Variants in PNN observed in about 807,000 individuals in gnomAD.
The protein encoded by PNN is pinin, desmosome associated protein, also known as pinin.
In PNN, 38 loss-of-function variants were observed where a neutral mutation model predicts 76.6. The observed-to-expected ratio is 0.50, with a 90% CI of 0.38 to 0.65. PNN has a LOEUF of 0.65. Ranked by LOEUF, PNN falls within the 30% of genes least tolerant of loss-of-function variation. PNN has a pLI of 0.00. For synonymous variants in PNN, 366 were observed against 283.7 expected (o/e 1.29, Z -2.91); for missense variants, 873 against 874.1 (o/e 1.00, Z 0.02).
chr14:39,182,041 AAG>A lies in PNN; in HGVS notation c.*181_*182del, dbSNP rs1277512225. On this transcript the variant is annotated 3_prime_UTR_variant, in exon 9 of 9. Coordinates refer to ENST00000216832, the MANE Select transcript of PNN (RefSeq NM_002687.4). ...TCTTGTACTTTTTGCATAATTTTGT[AAG>A]AGTTATTTATCAAAATTATGTGAGG... 5.5e-6 allele frequency: 3 copies of A among 544,400 alleles called. No individual in the cohort carries two copies. Among genetic ancestry groups the A allele is most frequent in the African/African-American group, 3.8e-5 (2 of 52,084 alleles). 33.7% of individuals were successfully genotyped at this position (544,400 alleles called of 1,614,324 possible).
rs1490439611 is a variant in PNN, at chr14:39,181,722, T to C, written c.2013T>C (p.Ser671=). 1 of 1,614,076 alleles carries C rather than the reference T, an allele frequency of 6.2e-7. No individual in the cohort carries two copies. Among genetic ancestry groups the C allele is most frequent in the Non-Finnish European group, 8.5e-7 (1 of 1,179,994 alleles). Residue 671 remains serine, a synonymous_variant, in exon 9 of 9, where the codon AGT becomes AGC. Coordinates refer to ENST00000216832, the MANE Select transcript of PNN (RefSeq NM_002687.4). ...GTCACAAATCTTCAAAAGGTGGTAG[T>C]AGTAGAGATACAAAAGGATCAAAGG... is the stretch of plus-strand genomic sequence containing the variant. ...ERSHKSSKGG[S]SRDTKGSKDK... is the part of the protein sequence containing the mutation.
In PNN at chr14:39,180,488, A is replaced by G; in HGVS notation, c.794-15A>G. 5 of 1,529,080 alleles carry G rather than the reference A, an allele frequency of 3.3e-6. No individual in the cohort carries two copies. The highest frequency in any genetic ancestry group is 2.6e-6 in the Non-Finnish European group (3 of 1,141,520). 94.7% of individuals were successfully genotyped at this position (1,529,080 alleles called of 1,614,324 possible). A position where few individuals can be genotyped will look rare whatever the true frequency, so the allele number is the denominator to read the frequency against. On this transcript the variant is annotated splice_polypyrimidine_tract_variant and intron_variant, in intron 8 of 8. Transcript: ENST00000216832. The stretch of plus-strand genomic sequence containing the variant: ...TAATCGGTAAATTTTACACATGTAA[A>G]TTTTTATTCTTTAGCTTTATTTGAA...
At position 39,176,594 on chromosome 14, in the gene PNN, A is replaced by G. The variant is rs745352634; in HGVS notation, c.253A>G (p.Arg85Gly). ...GAGAGACCTTGAAGGGGCAGTCAGT[A>G]GGTAGGTTTAAAAAAAGATTCCTGA... is the stretch of plus-strand genomic sequence containing the variant. ...KQRDLEGAVS[R>G]LGGERRTRRE... is the part of the protein sequence containing the mutation. The change falls in exon 3 of 9, where the codon AGG becomes GGG. Residue 85 changes from arginine to glycine, a missense_variant and splice_region_variant. Coordinates refer to ENST00000216832, the MANE Select transcript of PNN (RefSeq NM_002687.4). 1 of 1,591,108 alleles carries G rather than the reference A, an allele frequency of 6.3e-7. No homozygotes were observed. Among genetic ancestry groups the G allele is most frequent in the Admixed American group, 1.8e-5 (1 of 56,050 alleles).
intron 8 of PNN, 51 bp downstream of exon 8, chr14:39,179,513 T>C: frequency 6.9e-7 from 1 of 1,443,222 alleles, no homozygotes; most frequent in South Asian, 1.2e-5. Context: ...TAAGGTAATA[T>C]GTTCATATGC....
Position 39,176,150 on chromosome 14 carries a change from G to A in PNN, c.185+1G>A, listed in dbSNP as rs2053221466. 1.3e-6 allele frequency: 2 copies of A among 1,567,588 alleles called. No individual in the cohort carries two copies. The highest frequency in any genetic ancestry group is 1.4e-5 in the African/African-American group (1 of 73,994). On this transcript the variant is annotated splice_donor_variant, in intron 2 of 8. Transcript: ENST00000216832. LOFTEE classifies it high-confidence loss of function. Reference sequence around the variant, plus strand: ...GAGGACGTGGTAGTTTATTACTGAGGTAAGATTTCCTTTGGACTTTACTCA... The same window carrying A: ...GAGGACGTGGTAGTTTATTACTGAGATAAGATTTCCTTTGGACTTTACTCA...
Position 39,181,141 on chromosome 14 carries a change from C to T in PNN, c.1432C>T (p.Pro478Ser). ...PQPEPVAQPQ[P>S]QSQPQLQLQS... is the part of the protein sequence containing the mutation. ...ACCTGAGCCTGTGGCTCAACCTCAG[C>T]CTCAGTCTCAGCCCCAGCTTCAGCT... is the stretch of plus-strand genomic sequence containing the variant. The change falls in exon 9 of 9, where the codon CCT (proline) becomes TCT (serine). Residue 478 changes from proline to serine, a missense_variant. This residue lies in a region of PNN where 712 missense variants were observed against 693.1 expected (regional missense o/e 1.03). Coordinates refer to ENST00000216832, the MANE Select transcript of PNN (RefSeq NM_002687.4). The T allele has an allele frequency of 6.2e-7, 1 of 1,605,668 alleles. No individual in the cohort carries two copies. Among genetic ancestry groups the T allele is most frequent in the Non-Finnish European group, 8.5e-7 (1 of 1,172,402 alleles).
chr14:39,181,228 T>G lies in PNN; in HGVS notation c.1519T>G (p.Leu507Val). ...TCCCTCTCAGCCTGAGGATTTGTCA[T>G]TAGCTGTTTTACAGCCAACACCCCA... is the stretch of plus-strand genomic sequence containing the variant. Reference protein sequence around the residue: ...QPPSQPEDLSLAVLQPTPQVT... With the variant: ...QPPSQPEDLSVAVLQPTPQVT... Residue 507 changes from leucine (L) to valine (V), a missense_variant, in exon 9 of 9, where the codon TTA (leucine) becomes GTA (valine). Physicochemically the swap from Leu to Val is conservative, Grantham distance 32 (BLOSUM62 1). Transcript: ENST00000216832. 6.2e-7 allele frequency: 1 copy of G among 1,614,012 alleles called. No individual in the cohort carries two copies. The highest frequency in any genetic ancestry group is 8.5e-7 in the Non-Finnish European group (1 of 1,179,902).
chr14:39,178,798 C>T (rs1163944500), intron 6 of PNN, among the ~76,000 whole-genome samples: 2 of 150,652 alleles, frequency 1.3e-5, no homozygotes, highest in African/African-American at 4.9e-5. Context: ...AGTGTAGTGG[C>T]GTGATCTCAG....
intron 1 of PNN, 108 bp from the exon 2 acceptor site, chr14:39,175,970 T>G: frequency 1.5e-6 from 1 of 661,138 alleles, no homozygotes; most frequent in Middle Eastern, 2.5e-4. Flanking sequence ...ACTATCTTTT[T>G]GGAACTTTTG....
At chr14:39,179,044 T>C in intron 6 of PNN, 47 bp from the exon 7 acceptor site, 1 of 1,542,788 alleles carries the variant, frequency 6.5e-7, no homozygotes. Context: ...CCTTTTGTTG[T>C]AACTATTTCA....
chr14:39,179,126 A>G lies in PNN; in HGVS notation c.534A>G (p.Glu178=), dbSNP rs1203423439. ...GCCAGGAAATTGAACAAAAACTTGA[A>G]GTTCAGGCAGAAGAAGAGAGAAAGC... ...KRRQEIEQKL[E]VQAEEERKQV... Residue 178 remains glutamate (E), a synonymous_variant, in exon 7 of 9, where the codon GAA becomes GAG. Coordinates refer to ENST00000216832, the MANE Select transcript of PNN (RefSeq NM_002687.4). 1.2e-6 allele frequency: 2 copies of G among 1,613,202 alleles called. No homozygotes were observed. The highest frequency in any genetic ancestry group is 2.7e-5 in the African/African-American group (2 of 74,854).
Position 39,181,830 on chromosome 14 carries a change from C to T in PNN, c.2121C>T (p.Asp707=). The change falls in exon 9 of 9, where the codon GAC becomes GAT. Residue 707 remains aspartate (D), a synonymous_variant. Transcript: ENST00000216832. ...AAAGATCTTCAAGAAGTGAAAGAGA[C>T]CGAAAATCAGACAGGAAAGACAAAA... is the stretch of plus-strand genomic sequence containing the variant. ...SGKRSSRSER[D]RKSDRKDKRR 2.5e-6 allele frequency: 4 copies of T among 1,600,642 alleles called. No individual in the cohort carries two copies. The highest frequency in any genetic ancestry group is 3.4e-6 in the Non-Finnish European group (4 of 1,176,494).
chr14:39,182,033 A>T lies in PNN; in HGVS notation c.*170A>T. ...CCAGACATTCTTGTACTTTTTGCAT[A>T]ATTTTGTAAGAGTTATTTATCAAAA... On this transcript the variant is annotated 3_prime_UTR_variant, in exon 9 of 9. Transcript: ENST00000216832. 1 of 574,538 alleles carries T rather than the reference A, an allele frequency of 1.7e-6. No individual in the cohort carries two copies. The highest frequency in any genetic ancestry group is 2.8e-6 in the Non-Finnish European group (1 of 354,354). The allele number at this position is 574,538 out of a possible 1,614,324, so 35.6% of individuals were successfully genotyped here.
At chr14:39,176,375 A>T (rs2053224134) in intron 2 of PNN, 152 bp from the exon 3 acceptor site, 1 of 658,126 alleles carries the variant, frequency 1.5e-6, no homozygotes, top group Non-Finnish European at 2.6e-6. Context: ...ATTCTTATAA[A>T]GTAACACTAT....
rs772765511 is a variant in PNN at position 39,179,072 on chromosome 14, C to T, written c.499-19C>T. On this transcript the variant is annotated intron_variant, in intron 6 of 8. Coordinates refer to ENST00000216832, the MANE Select transcript of PNN (RefSeq NM_002687.4). ...CTATTTCAACACGTAAGTATTAAAG[C>T]AGGCTACTTAACTTTTAGCAAAAGC... 3 of 1,603,066 alleles carry T rather than the reference C, an allele frequency of 1.9e-6. No individual in the cohort carries two copies. The highest frequency in any genetic ancestry group is 1.1e-5 in the South Asian group (1 of 89,172).
chr14:39,182,148 A>C lies in PNN; in HGVS notation c.*285A>C, dbSNP rs1211202260. 2 of 246,200 alleles carry C rather than the reference A, an allele frequency of 8.1e-6. No individual in the cohort carries two copies. The highest frequency in any genetic ancestry group is 4.5e-5 in the African/African-American group (2 of 43,984). 15.3% of individuals were successfully genotyped at this position (246,200 alleles called of 1,614,324 possible). On this transcript the variant is annotated 3_prime_UTR_variant, in exon 9 of 9. Transcript: ENST00000216832. ...CTTTTTTAAATATCCTATACTCTTC[A>C]GTAAGAATCTGTATATTTTAATAGG...
In PNN at chr14:39,181,723, A is replaced by G. The variant is rs949899117; in HGVS notation, c.2014A>G (p.Ser672Gly). The G allele has an allele frequency of 2.5e-6, 4 of 1,614,056 alleles. No homozygotes were observed. Among genetic ancestry groups the G allele is most frequent in the Non-Finnish European group, 3.4e-6 (4 of 1,180,020 alleles). ...RSHKSSKGGS[S>G]RDTKGSKDKN... ...TCACAAATCTTCAAAAGGTGGTAGT[A>G]GTAGAGATACAAAAGGATCAAAGGA... The change falls in exon 9 of 9, where the codon AGT becomes GGT. Residue 672 changes from serine (S) to glycine (G), a missense_variant. By Grantham distance (56) the Ser-to-Gly change is moderately conservative (BLOSUM62 0). Transcript: ENST00000216832.
At position 39,177,821 on chromosome 14, in the gene PNN, T is replaced by G. The variant is rs888113135; in HGVS notation, c.423-20T>G. Reference sequence around the variant, plus strand: ...GAAATGGATCCTGTTGACAGTAAATTTTCTTATTCTGTTCTTTAGGAACCG... The same window carrying G: ...GAAATGGATCCTGTTGACAGTAAATGTTCTTATTCTGTTCTTTAGGAACCG... On this transcript the variant is annotated intron_variant, in intron 5 of 8. Transcript: ENST00000216832. 20 of 1,587,376 alleles carry G rather than the reference T, an allele frequency of 1.3e-5. No individual in the cohort carries two copies. The highest frequency in any genetic ancestry group is 1.7e-5 in the Admixed American group (1 of 59,786).
Position 39,175,369 on chromosome 14 carries a change from C to A in PNN, c.90C>A (p.Thr30=). 3 of 1,610,174 alleles carry A rather than the reference C, an allele frequency of 1.9e-6. No individual in the cohort carries two copies. The highest frequency in any genetic ancestry group is 1.7e-6 in the Non-Finnish European group (2 of 1,176,930). The change falls in exon 1 of 9, where the codon ACC becomes ACA. Residue 30 remains threonine (T), a synonymous_variant. Transcript: ENST00000216832. The stretch of plus-strand genomic sequence containing the variant: ...TGGATGAGAACATTCGCAAGCTCAC[C>A]GGGCGGGATCCGAATGACGTGAGGT... ...KNVDENIRKL[T]GRDPNDVRPI...
Sources: allele counts gnomAD v4.1 joint callset (sites outside exome capture counted in the v4.1 genomes callset), GRCh38; gene constraint gnomAD v4.1.1; regional missense constraint gnomAD v4.1.1; transcripts MANE v1.5; gene names NCBI Gene and HGNC (gene_info 2026-07-23, HGNC 2026-07-21).